STX12: variants seen among roughly 807,000 people sequenced by gnomAD.
The protein encoded by STX12 is syntaxin-12.
A neutral mutation model predicts 42.2 loss-of-function variants in STX12; 17 were observed. The observed-to-expected ratio is 0.40, with a 90% CI of 0.28 to 0.60. The LOEUF is 0.60. Among genes scored for constraint, STX12 ranks in the 20% least tolerant of loss-of-function variants. STX12 has a pLI of 0.39. For missense variants in STX12, 297 were observed against 330.9 expected (o/e 0.90, Z 0.79); for synonymous variants, 108 against 116.7 (o/e 0.93, Z 0.48).
chr1:27,811,723 C>A (rs2088904599), intron 5 of STX12, among the ~76,000 whole-genome samples: 1 of 152,086 alleles, frequency 6.6e-6, no homozygotes, highest in East Asian at 1.9e-4. Context: ...ACTGGCAAAG[C>A]ACTGATAGGT....
chr1:27,806,143 T>C (rs1204824781), intron 4 of STX12, among the ~76,000 whole-genome samples: 1 of 152,206 alleles, frequency 6.6e-6, no homozygotes, highest in African/African-American at 2.4e-5. Flanking sequence ...ATTGGGAAAC[T>C]CTTACAATGG....
intron 4 of STX12, among the ~76,000 whole-genome samples, chr1:27,803,528 C>T (rs999628408): frequency 1.3e-5 from 2 of 152,018 alleles, no homozygotes; most frequent in African/African-American, 2.4e-5. Context: ...TCTGTCAGCA[C>T]ATCTTATTGA....
chr1:27,799,477 GTTT>G (rs200472226), intron 3 of STX12, among the ~76,000 whole-genome samples: 1 of 130,714 alleles, frequency 7.7e-6, no homozygotes, highest in Non-Finnish European at 1.6e-5. Flanking sequence ...TCATTAGCTT[GTTT>G]TTTTTTTTGT....
In STX12 at chr1:27,810,282, T is replaced by C; in HGVS notation, c.463T>C (p.Phe155Leu). Reference protein sequence around the residue: ...ERQREEQLVSFDSHEEWNQMQ... With the variant: ...ERQREEQLVSLDSHEEWNQMQ... ...GCAAAGAGAGGAGCAGCTGGTCTCA[T>C]TTGACAGGTAATAGAATTATTCATA... Residue 155 changes from phenylalanine to leucine, a missense_variant, in exon 5 of 9, where the codon TTT becomes CTT. Phe to Leu is a conservative substitution (Grantham distance 22). Coordinates refer to ENST00000373943, the MANE Select transcript of STX12 (RefSeq NM_177424.3). 1 of 1,613,272 alleles carries C rather than the reference T, an allele frequency of 6.2e-7. No individual in the cohort carries two copies. The highest frequency in any genetic ancestry group is 8.5e-7 in the Non-Finnish European group (1 of 1,179,398).
intron 4 of STX12, among the ~76,000 whole-genome samples, chr1:27,807,726 A>C (rs1051338789): frequency 6.6e-6 from 1 of 152,236 alleles, no homozygotes; most frequent in African/African-American, 2.4e-5. Context: ...ACCAGGATGT[A>C]TGTACAAGAA....
At chr1:27,779,713 C>T (rs1180547236) in intron 1 of STX12, among the ~76,000 whole-genome samples, 1 of 152,066 alleles carries the variant, frequency 6.6e-6, no homozygotes, top group Non-Finnish European at 1.5e-5. Flanking sequence ...CTCTTCCTTA[C>T]TCTTTGCTAG....
At chr1:27,791,674 G>A (rs1427433397) in intron 2 of STX12, among the ~76,000 whole-genome samples, 9 of 152,048 alleles carry the variant, frequency 5.9e-5, no homozygotes, top group African/African-American at 1.4e-4. Flanking sequence ...AATTAGCCAG[G>A]CGTGGTGGCA....
At chr1:27,790,320 C>A (rs549857976) in intron 2 of STX12, among the ~76,000 whole-genome samples, 2 of 152,234 alleles carry the variant, frequency 1.3e-5, no homozygotes, top group East Asian at 1.9e-4. Flanking sequence ...AAGAGCAAAA[C>A]AACAAAGCTT....
rs191493730 is a variant in STX12, at chr1:27,799,787, G to A, written c.289-1891G>A. ...TGTTTTTTGAGACGGAGTTTCACATGTGTTGCCCAGGCTGGAGTGCAATGG... is the reference window on the plus strand; with the variant it reads ...TGTTTTTTGAGACGGAGTTTCACATATGTTGCCCAGGCTGGAGTGCAATGG... On this transcript the variant is annotated intron_variant, in intron 3 of 8. Coordinates refer to ENST00000373943, the MANE Select transcript of STX12 (RefSeq NM_177424.3). Among the ~76,000 whole-genome samples the A allele has an allele frequency of 2.2e-3, 326 of 148,854 alleles. 1 individual carries two copies. Among genetic ancestry groups the A allele is most frequent in the African/African-American group, 7.8e-3 (314 of 40,314 alleles).
intron 7 of STX12, chr1:27,818,154 G>A (rs762149419): frequency 2.8e-5 from 12 of 434,754 alleles, no homozygotes; most frequent in Non-Finnish European, 5.0e-5. Context: ...AAGCCCAAGC[G>A]GGCAGATCAT....
chr1:27,773,219 C>G lies in STX12; in HGVS notation c.-89C>G, dbSNP rs1388893041. 6 of 847,542 alleles carry G rather than the reference C, an allele frequency of 7.1e-6. No individual in the cohort carries two copies. The highest frequency in any genetic ancestry group is 9.5e-6 in the Non-Finnish European group (5 of 524,964). The allele number at this position is 847,542 out of a possible 1,614,324, so 52.5% of individuals were successfully genotyped here. ...TAGCTCCTTCCCCGCCCTTGCTCTTCCCAGTTTCTCCGTCAGCCTGCGGGT... is the reference window on the plus strand; with the variant it reads ...TAGCTCCTTCCCCGCCCTTGCTCTTGCCAGTTTCTCCGTCAGCCTGCGGGT... On this transcript the variant is annotated 5_prime_UTR_variant, in exon 1 of 9. Transcript: ENST00000373943.
chr1:27,788,553 A>G lies in STX12; in HGVS notation c.119-1009A>G, dbSNP rs552351281. On this transcript the variant is annotated intron_variant, in intron 1 of 8. Transcript: ENST00000373943. ...AAGGTAGAGAAGGCTGAACAAAACCATATGTTTGACTGTATTATGGTATAG... is the reference window on the plus strand; with the variant it reads ...AAGGTAGAGAAGGCTGAACAAAACCGTATGTTTGACTGTATTATGGTATAG... 1.1e-4 allele frequency among the ~76,000 whole-genome samples: 16 copies of G among 152,310 alleles called. No homozygotes were observed. The South Asian group carries it at 2.7e-3, about 26-fold the overall frequency.
intron 1 of STX12, among the ~76,000 whole-genome samples, chr1:27,774,782 T>A (rs1391733241): frequency 6.6e-6 from 1 of 152,196 alleles, no homozygotes; most frequent in Non-Finnish European, 1.5e-5. Flanking sequence ...AACCTTGAAT[T>A]CCTGATCAGC....
intron 7 of STX12, among the ~76,000 whole-genome samples, chr1:27,818,953 A>T (rs572362733): frequency 6.6e-6 from 1 of 151,890 alleles, no homozygotes; most frequent in African/African-American, 2.4e-5. Context: ...AAAGCTTTCT[A>T]TGTGGAAATA....
chr1:27,817,496 G>A (rs577212034), intron 6 of STX12, among the ~76,000 whole-genome samples: 26 of 152,268 alleles, frequency 1.7e-4, no homozygotes, highest in Admixed American at 1.3e-3. Flanking sequence ...GGTTGTCATC[G>A]GGAGGCACTC....
chr1:27,814,620 G>A (rs1368935991), intron 6 of STX12, among the ~76,000 whole-genome samples: 1 of 151,944 alleles, frequency 6.6e-6, no homozygotes, highest in African/African-American at 2.4e-5. Flanking sequence ...AGGCTGAGGC[G>A]AGTGGCTCAC....
chr1:27,807,059 T>A (rs140979162), intron 4 of STX12, among the ~76,000 whole-genome samples: 183 of 152,302 alleles, frequency 1.2e-3, no homozygotes, highest in African/African-American at 4.2e-3. Flanking sequence ...TGCCTTTTTT[T>A]AATTTTTAAT....
rs1571512959 is a variant in STX12, at chr1:27,774,237, T to C, written c.118+812T>C. On this transcript the variant is annotated intron_variant, in intron 1 of 8. Coordinates refer to ENST00000373943, the MANE Select transcript of STX12 (RefSeq NM_177424.3). ...GAGTTGTTGGTGGAATTCAGAATGC[T>C]ATTGCTTGTCTTAAAACTCCCTCCT... is the stretch of plus-strand genomic sequence containing the variant. Among the ~76,000 whole-genome samples the C allele has an allele frequency of 2.6e-5, 4 of 152,276 alleles. No individual in the cohort carries two copies. In the East Asian group the frequency reaches 7.7e-4, roughly 29 times the overall value.
At chr1:27,788,103 C>G (rs534038584) in intron 1 of STX12, among the ~76,000 whole-genome samples, 1 of 152,214 alleles carries the variant, frequency 6.6e-6, no homozygotes, top group African/African-American at 2.4e-5. Context: ...TATGTGATTT[C>G]TTGAAGTTCT....
Sources: gnomAD v4.1 joint callset for allele counts (sites outside exome capture counted in the v4.1 genomes callset) on GRCh38, gnomAD v4.1.1 for gene constraint, MANE v1.5 for transcripts, NCBI Gene and HGNC (gene_info 2026-07-23, HGNC 2026-07-21) for gene names.